Variants in CELF4 observed in about 807,000 individuals in gnomAD.
CELF4 encodes the protein CUGBP Elav-like family member 4.
A neutral mutation model predicts 59.9 loss-of-function variants in CELF4; 18 were observed. The observed-to-expected ratio is 0.30, with a 90% confidence interval of 0.21 to 0.45. The LOEUF is 0.45. CELF4 is among the 20% of genes least tolerant of loss of function. The pLI is 1.00. For missense variants in CELF4, 456 were observed against 689.0 expected, an observed-to-expected ratio of 0.66 and a Z score of 3.79; for synonymous variants, 261 against 267.1, an observed-to-expected ratio of 0.98 and a Z score of 0.22.
intron 2 of CELF4, among the ~76,000 whole-genome samples, chr18:37,436,163 A>C (rs1482419464): frequency 1.3e-5 from 2 of 152,180 alleles, no homozygotes; most frequent in East Asian, 3.9e-4. Flanking sequence ...AGCCAGGGAG[A>C]AAAATTAACC....
intron 1 of CELF4, among the ~76,000 whole-genome samples, chr18:37,562,529 A>C (rs1446597463): frequency 6.6e-6 from 1 of 152,194 alleles, no homozygotes; most frequent in East Asian, 1.9e-4. Context: ...ACCAGGCTTA[A>C]CAAAGGCATG....
chr18:37,495,545 G>C (rs1255216111), intron 1 of CELF4, among the ~76,000 whole-genome samples: 1 of 152,154 alleles, frequency 6.6e-6, no homozygotes, highest in Non-Finnish European at 1.5e-5. Context: ...TGAGGCTCCA[G>C]TGGCTAGTGT....
intron 2 of CELF4, among the ~76,000 whole-genome samples, chr18:37,441,098 G>A (rs903755944): frequency 3.3e-5 from 5 of 152,244 alleles, no homozygotes; most frequent in South Asian, 2.1e-4. Context: ...GTCTCTCCCC[G>A]CTGGACCAGT....
intron 1 of CELF4, among the ~76,000 whole-genome samples, chr18:37,496,276 C>T (rs1199566259): frequency 1.3e-5 from 2 of 152,228 alleles, no homozygotes; most frequent in East Asian, 1.9e-4. Flanking sequence ...AACTAGACCA[C>T]AGCGCCCAGG....
At chr18:37,344,634 A>G (rs2098181966) in intron 2 of CELF4, among the ~76,000 whole-genome samples, 1 of 152,242 alleles carries the variant, frequency 6.6e-6, no homozygotes, top group Non-Finnish European at 1.5e-5. Context: ...AAGGAGCCAG[A>G]GTCACCATGC....
chr18:37,294,242 T>C (rs1040506182), intron 3 of CELF4, among the ~76,000 whole-genome samples: 1 of 152,156 alleles, frequency 6.6e-6, no homozygotes, highest in Admixed American at 6.5e-5. Context: ...TCCGGACCAG[T>C]TTCAGGTCAT....
At chr18:37,274,741 T>C in intron 5 of CELF4, 64 bp downstream of exon 5, 1 of 1,511,674 alleles carries the variant, frequency 6.6e-7, no homozygotes, top group Non-Finnish European at 8.8e-7. Context: ...CGGCGGGGCG[T>C]GGCGGGTGCT....
intron 2 of CELF4, among the ~76,000 whole-genome samples, chr18:37,362,324 A>G (rs1251604882): frequency 6.6e-6 from 1 of 152,102 alleles, no homozygotes; most frequent in Non-Finnish European, 1.5e-5. Context: ...AATGTTAATC[A>G]AGTCAGGGTT....
At chr18:37,496,519 A>G (rs1045862054) in intron 1 of CELF4, among the ~76,000 whole-genome samples, 3 of 152,190 alleles carry the variant, frequency 2.0e-5, no homozygotes, top group African/African-American at 4.8e-5. Context: ...CAACAACACA[A>G]CAACAACAAT....
intron 2 of CELF4, among the ~76,000 whole-genome samples, chr18:37,418,863 C>T (rs1209560183): frequency 6.6e-6 from 1 of 152,168 alleles, no homozygotes; most frequent in Non-Finnish European, 1.5e-5. Context: ...GGGATGTGTG[C>T]ATTCTCTGAG....
intron 1 of CELF4, among the ~76,000 whole-genome samples, chr18:37,506,486 G>A (rs778361955): frequency 2.6e-5 from 4 of 152,130 alleles, no homozygotes; most frequent in Non-Finnish European, 5.9e-5. Context: ...TGACCTCATG[G>A]GCACAGAGGT....
intron 10 of CELF4, among the ~76,000 whole-genome samples, chr18:37,259,634 G>A (rs2073008165): frequency 6.6e-6 from 1 of 152,134 alleles, no homozygotes; most frequent in Non-Finnish European, 1.5e-5. Context: ...AGATCCGGGA[G>A]GCCTCCCTCC....
chr18:37,496,238 G>A (rs1045486818), intron 1 of CELF4, among the ~76,000 whole-genome samples: 31 of 152,322 alleles, frequency 2.0e-4, no homozygotes, highest in Admixed American at 1.5e-3. Context: ...GCTTTCTGCT[G>A]TTCTCATCTG....
intron 2 of CELF4, among the ~76,000 whole-genome samples, chr18:37,332,983 G>A (rs897841471): frequency 2.7e-4 from 41 of 152,200 alleles, no homozygotes; most frequent in African/African-American, 9.4e-4. Context: ...ATCTGCTGCC[G>A]TGGCAACCAA....
rs548711987 is a variant in CELF4 at position 37,564,279 on chromosome 18, A to G, written c.286+1077T>C. On this transcript the variant is annotated intron_variant, in intron 1 of 12. Transcript: ENST00000420428. ...GATTCATTCCCGCTGCACATCCTATATATTACTGTTAGGAAGCGGAGCACT... is the reference window on the plus strand; with the variant it reads ...GATTCATTCCCGCTGCACATCCTATGTATTACTGTTAGGAAGCGGAGCACT... Among the ~76,000 whole-genome samples the G allele has an allele frequency of 1.1e-3, 174 of 152,258 alleles. 2 individuals are homozygous for G. Among genetic ancestry groups the G allele is most frequent in the African/African-American group, 3.7e-3 (152 of 41,540 alleles).
At chr18:37,352,193 C>T (rs2098456005) in intron 2 of CELF4, among the ~76,000 whole-genome samples, 1 of 152,242 alleles carries the variant, frequency 6.6e-6, no homozygotes, top group South Asian at 2.1e-4. Flanking sequence ...CACACCTTTG[C>T]AGGTGTCCCT....
intron 2 of CELF4, among the ~76,000 whole-genome samples, chr18:37,371,766 A>G (rs922982547): frequency 6.6e-6 from 1 of 152,176 alleles, no homozygotes; most frequent in Admixed American, 6.5e-5. Flanking sequence ...GGCTTGGGGC[A>G]GTCATTAAGC....
chr18:37,301,265 G>C (rs1196552840), intron 3 of CELF4, among the ~76,000 whole-genome samples: 1 of 152,160 alleles, frequency 6.6e-6, no homozygotes, highest in East Asian at 1.9e-4. Flanking sequence ...GGGTCCTATT[G>C]CCTCAGCTAG....
intron 6 of CELF4, chr18:37,274,000 G>A: frequency 1.7e-6 from 2 of 1,201,286 alleles, no homozygotes; most frequent in African/African-American, 1.6e-5. Context: ...TGCTTCCTGG[G>A]GTTCAACGTT....
Sources: gnomAD v4.1 joint callset for allele counts (sites outside exome capture counted in the v4.1 genomes callset) on GRCh38, gnomAD v4.1.1 for gene constraint, MANE v1.5 for transcripts, NCBI Gene and HGNC (gene_info 2026-07-23, HGNC 2026-07-21) for gene names.